The following MAP1LC3C variants were observed in gnomAD, a reference collection of about 807,000 sequenced individuals.
MAP1LC3C encodes the protein microtubule associated protein 1 light chain 3 gamma.
A neutral mutation model predicts 10.4 loss-of-function variants in MAP1LC3C; 12 were observed. That is an observed-to-expected ratio of 1.15 (90% CI 0.74 to 1.86). The LOEUF is 1.86. MAP1LC3C is among the 40% of genes most tolerant of loss of function. The pLI is 0.00. For missense variants in MAP1LC3C, 177 were observed against 185.7 expected (o/e 0.95, Z 0.27); for synonymous variants, 70 against 69.0 (o/e 1.01, Z -0.07).
rs1406954005 is a variant in MAP1LC3C, at chr1:241,996,204, C to A, written c.403G>T (p.Asp135Tyr). ...GGTCTGTCCTCAAGGCTGCTCCCAT[C>A]CCTGGGGGCTGCTGACTCCAGGCAG... is the stretch of plus-strand genomic sequence containing the variant. ...FGCLESAAPRDGSSLEDRPCN... is the reference protein window; with the variant it reads ...FGCLESAAPRYGSSLEDRPCN... Residue 135 changes from aspartate to tyrosine, a missense_variant, in exon 4 of 4, where the codon GAT becomes TAT. Asp to Tyr is a radical substitution (Grantham distance 160, BLOSUM62 -3). Coordinates refer to ENST00000357246, the MANE Select transcript of MAP1LC3C (RefSeq NM_001004343.3). 1 of 1,614,132 alleles carries A rather than the reference C, an allele frequency of 6.2e-7. No individual in the cohort carries two copies.
At position 241,996,138 on chromosome 1, in the gene MAP1LC3C, G is replaced by A; in HGVS notation, c.*25C>T. Reference sequence around the variant, plus strand: ...CTGCCAGCATCTGACACGTCTGTCAGAGCACACATCCTTCCCGACATGGGC... The same window carrying A: ...CTGCCAGCATCTGACACGTCTGTCAAAGCACACATCCTTCCCGACATGGGC... On this transcript the variant is annotated 3_prime_UTR_variant, in exon 4 of 4. Transcript: ENST00000357246. 1 of 1,597,464 alleles carries A rather than the reference G, an allele frequency of 6.3e-7. No homozygotes were observed. Among genetic ancestry groups the A allele is most frequent in the African/African-American group, 1.3e-5 (1 of 74,730 alleles).
At chr1:242,000,696 G>C (rs1021220496), upstream of MAP1LC3C, among the ~76,000 whole-genome samples, 1 of 152,176 alleles carries the variant, frequency 6.6e-6, no homozygotes. Context: ...GAGATGCATA[G>C]CGAGGTATGG....
chr1:242,000,444 G>T (rs375689787), upstream of MAP1LC3C, among the ~76,000 whole-genome samples: 13 of 152,232 alleles, frequency 8.5e-5, no homozygotes, highest in African/African-American at 2.6e-4. Flanking sequence ...GGCTAGGCTG[G>T]TCTGAAACTC....
At chr1:241,999,410 C>T (rs933432896), upstream of MAP1LC3C, among the ~76,000 whole-genome samples, 2 of 152,214 alleles carry the variant, frequency 1.3e-5, no homozygotes, top group Non-Finnish European at 2.9e-5. Context: ...GGATCCACCT[C>T]AGCCTGAAGT....
chr1:241,998,507 C>A lies in MAP1LC3C; in HGVS notation c.221+7G>T, dbSNP rs764721906. On this transcript the variant is annotated splice_region_variant and intron_variant, in intron 3 of 3. Coordinates refer to ENST00000357246, the MANE Select transcript of MAP1LC3C (RefSeq NM_001004343.3). Reference sequence around the variant, plus strand: ...CCTTCCTCCGGGGCACGCTCTGCGCCACCTACCGGATGATGCTGAGGAACT... The same window carrying A: ...CCTTCCTCCGGGGCACGCTCTGCGCAACCTACCGGATGATGCTGAGGAACT... 2.5e-6 allele frequency: 4 copies of A among 1,613,516 alleles called. No individual in the cohort carries two copies. The African/African-American group carries it at 5.3e-5, about 22-fold the overall frequency.
At chr1:241,996,909 C>CAAAAAAAA (rs71174887) in intron 3 of MAP1LC3C, among the ~76,000 whole-genome samples, 11 of 42,770 alleles carry the variant, frequency 2.6e-4, no homozygotes, top group South Asian at 1.2e-3. Flanking sequence ...GACTGCGTCT[C>CAAAAAAAA]AAAAAAAAAA....
rs776473823 is a variant in MAP1LC3C, at chr1:241,996,381, G to A, written c.226C>T (p.Arg76Cys). The A allele has an allele frequency of 3.7e-5, 59 of 1,613,608 alleles. No homozygotes were observed. Among genetic ancestry groups the A allele is most frequent in the Admixed American group, 3.5e-4 (21 of 59,980 alleles). ...GCTTCCGTGGCTCTCAGGACCATGC[G>A]GCTCCTGGGATGGGCAGGAGGGTGG... ...MTQFLSIIRS[R>C]MVLRATEAFY... is the part of the protein sequence containing the mutation. Residue 76 changes from arginine to cysteine, a missense_variant, in exon 4 of 4, where the codon CGC becomes TGC. Physicochemically the swap from Arg to Cys is radical, Grantham distance 180. Coordinates refer to ENST00000357246, the MANE Select transcript of MAP1LC3C (RefSeq NM_001004343.3).
At chr1:241,999,122 C>T, upstream of MAP1LC3C, 1 of 1,476,384 alleles carries the variant, frequency 6.8e-7, no homozygotes, top group South Asian at 1.4e-5. Flanking sequence ...TGAAGGAGGC[C>T]CTTATGTAGG....
At chr1:242,000,789 T>G (rs1426405032), upstream of MAP1LC3C, among the ~76,000 whole-genome samples, 1 of 152,160 alleles carries the variant, frequency 6.6e-6, no homozygotes, top group African/African-American at 2.4e-5. Context: ...GGAGGCTTCA[T>G]TATGTAAGCA....
rs192809835 is a variant in MAP1LC3C at position 241,996,472 on chromosome 1, G to T, written c.222-87C>A. Reference sequence around the variant, plus strand: ...TCATGACACTCAAGAAGACTGAATTGCTCCCTTCTTCTTCCCTGAGATTTA... The same window carrying T: ...TCATGACACTCAAGAAGACTGAATTTCTCCCTTCTTCTTCCCTGAGATTTA... On this transcript the variant is annotated intron_variant, in intron 3 of 3. Coordinates refer to ENST00000357246, the MANE Select transcript of MAP1LC3C (RefSeq NM_001004343.3). The T allele has an allele frequency of 4.6e-6, 5 of 1,093,090 alleles. No individual in the cohort carries two copies. The Admixed American group carries it at 1.1e-4, about 25-fold the overall frequency. 67.7% of individuals were successfully genotyped at this position (1,093,090 alleles called of 1,614,324 possible). A position where few individuals can be genotyped will look rare whatever the true frequency, so the allele number is the denominator to read the frequency against.
At chr1:242,000,006 C>A (rs182302128), upstream of MAP1LC3C, among the ~76,000 whole-genome samples, 4 of 151,260 alleles carry the variant, frequency 2.6e-5, no homozygotes, top group Admixed American at 1.3e-4. Flanking sequence ...CTCCATTTCT[C>A]CTATATTCTC....
chr1:241,998,464 C>T (rs781136782), intron 3 of MAP1LC3C, 50 bp downstream of exon 3: 1 of 1,528,994 alleles, frequency 6.5e-7, no homozygotes, highest in Non-Finnish European at 9.1e-7. Flanking sequence ...GCCCAACAGC[C>T]CCGGCGCACC....
upstream of MAP1LC3C, among the ~76,000 whole-genome samples, chr1:242,000,915 C>T (rs1004184156): frequency 6.6e-6 from 1 of 152,170 alleles, no homozygotes; most frequent in Admixed American, 6.5e-5. Context: ...CTTTGTCTTT[C>T]TGGCGACCAG....
In MAP1LC3C at chr1:241,998,021, CTTTTTTTTTT is replaced by C. The variant is rs58237405; in HGVS notation, c.221+483_221+492del. ...CTTACCTGTTTAAAATAGAGTAATT[CTTTTTTTTTT>C]TTTTTTTTTTTTGAGACAGAGTTTC... On this transcript the variant is annotated intron_variant, in intron 3 of 3. Transcript: ENST00000357246. 1.1e-3 allele frequency among the ~76,000 whole-genome samples: 101 copies of C among 95,424 alleles called. 2 individuals carry two copies. Among genetic ancestry groups the C allele is most frequent in the African/African-American group, 4.1e-3 (99 of 24,000 alleles). The allele number at this position is 95,424 out of a possible 152,430, so 62.6% of individuals were successfully genotyped here. A position where few individuals can be genotyped will look rare whatever the true frequency, so the allele number is the denominator to read the frequency against.
In MAP1LC3C at chr1:241,998,842, T is replaced by C; in HGVS notation, c.59-11A>G. 6.2e-7 allele frequency: 1 copy of C among 1,614,074 alleles called. No individual in the cohort carries two copies. ...CCTCTTGTCTGATTGCTGTGAATAT[T>C]TCAAGCACAAGAGAAGAAGCAAAGA... is the stretch of plus-strand genomic sequence containing the variant. On this transcript the variant is annotated splice_polypyrimidine_tract_variant and intron_variant, in intron 1 of 3. Transcript: ENST00000357246.
chr1:241,998,544 A>G lies in MAP1LC3C; in HGVS notation c.191T>C (p.Leu64Pro), dbSNP rs1461148367. ...GATGCTGAGGAACTGGGTCATGGTC[A>G]GCTCCTGCGGGACCAGGAACTTGGT... is the stretch of plus-strand genomic sequence containing the variant. ...DKTKFLVPQELTMTQFLSIIR... is the reference protein window; with the variant it reads ...DKTKFLVPQEPTMTQFLSIIR... Residue 64 changes from leucine to proline, a missense_variant, in exon 3 of 4, where the codon CTG becomes CCG. Coordinates refer to ENST00000357246, the MANE Select transcript of MAP1LC3C (RefSeq NM_001004343.3). 1 of 1,613,980 alleles carries G rather than the reference A, an allele frequency of 6.2e-7. No homozygotes were observed. Among genetic ancestry groups the G allele is most frequent in the African/African-American group, 1.3e-5 (1 of 75,036 alleles).
At chr1:242,001,031 T>C (rs1665186287), upstream of MAP1LC3C, among the ~76,000 whole-genome samples, 1 of 151,802 alleles carries the variant, frequency 6.6e-6, no homozygotes, top group South Asian at 2.1e-4. Flanking sequence ...ATCCCAGCAC[T>C]TTGGGAGACC....
rs566439760 is a variant in MAP1LC3C, at chr1:241,996,293, T to C, written c.314A>G (p.Tyr105Cys). ...VSMSATMAEI[Y>C]RDYKDEDGFV... ...GCCATCCTCATCCTTGTAGTCTCTG[T>C]AGATCTCTGCCATGGTTGCGCTCAT... is the stretch of plus-strand genomic sequence containing the variant. Residue 105 changes from tyrosine to cysteine, a missense_variant, in exon 4 of 4, where the codon TAC becomes TGC. By Grantham distance (194) the Tyr-to-Cys change is radical. Coordinates refer to ENST00000357246, the MANE Select transcript of MAP1LC3C (RefSeq NM_001004343.3). 4.3e-6 allele frequency: 7 copies of C among 1,614,144 alleles called. No homozygotes were observed. In the South Asian group the frequency reaches 7.7e-5, roughly 18 times the overall value.
At chr1:242,000,060 TGG>T (rs1491571078), upstream of MAP1LC3C, among the ~76,000 whole-genome samples, 1 of 135,942 alleles carries the variant, frequency 7.4e-6, no homozygotes, top group African/African-American at 2.7e-5. Context: ...TGTGTGTGTG[TGG>T]GTGGGTGGGG....
Sources: gnomAD v4.1 joint callset for allele counts (sites outside exome capture counted in the v4.1 genomes callset) on GRCh38, gnomAD v4.1.1 for gene constraint, MANE v1.5 for transcripts, NCBI Gene and HGNC (gene_info 2026-07-23, HGNC 2026-07-21) for gene names.